Variants in VPS4B observed in about 807,000 individuals in gnomAD.
VPS4B encodes the protein vacuolar protein sorting-associated protein 4B.
Under a neutral mutation model 56.1 loss-of-function variants are expected in VPS4B, and 23 were observed. That is an observed-to-expected ratio of 0.41 (90% CI 0.30 to 0.58). VPS4B has a LOEUF of 0.58. Among genes scored for constraint, VPS4B ranks in the 20% least tolerant of loss-of-function variants. VPS4B has a pLI of 0.29. For missense variants in VPS4B, 372 were observed against 531.9 expected (o/e 0.70, Z 2.96); for synonymous variants, 177 against 186.0 (o/e 0.95, Z 0.39).
intron 10 of VPS4B, 151 bp downstream of exon 10, chr18:63,393,258 G>T (rs1915595455): frequency 6.7e-6 from 5 of 748,882 alleles, no homozygotes; most frequent in Non-Finnish European, 9.6e-6. Context: ...TATATTTTAA[G>T]TTCAATTAAC....
rs771991314 is a variant in VPS4B at position 63,407,492 on chromosome 18, T to G, written c.304A>C (p.Ser102Arg). The change falls in exon 4 of 11, where the codon AGT becomes CGT. Residue 102 changes from serine (S) to arginine (R), a missense_variant. Transcript: ENST00000238497. ...TCATCAGATTCTCCTTCCCCATCACTGTCATTCCTAATAAAAAGAATTTAA... is the reference window on the plus strand; with the variant it reads ...TCATCAGATTCTCCTTCCCCATCACGGTCATTCCTAATAAAAAGAATTTAA... Reference protein sequence around the residue: ...PSPADEKGNDSDGEGESDDPE... With the variant: ...PSPADEKGNDRDGEGESDDPE... The G allele has an allele frequency of 1.2e-6, 2 of 1,606,178 alleles. No homozygotes were observed. Among genetic ancestry groups the G allele is most frequent in the Non-Finnish European group, 1.7e-6 (2 of 1,177,306 alleles).
At chr18:63,395,737 T>C (rs1915654966) in intron 9 of VPS4B, among the ~76,000 whole-genome samples, 1 of 152,264 alleles carries the variant, frequency 6.6e-6, no homozygotes, top group Non-Finnish European at 1.5e-5. Flanking sequence ...ACCTAGTTCA[T>C]TGTTACTCAA....
intron 1 of VPS4B, among the ~76,000 whole-genome samples, chr18:63,412,076 C>T (rs1916057078): frequency 6.6e-6 from 1 of 152,136 alleles, no homozygotes; most frequent in South Asian, 2.1e-4. Context: ...TCATATATTT[C>T]AATCCAGTAA....
chr18:63,400,675 T>C lies in VPS4B; in HGVS notation c.513A>G (p.Leu171=), dbSNP rs775698166. The change falls in exon 6 of 11, where the codon CTA becomes CTG. Residue 171 remains leucine (L), a synonymous_variant. Transcript: ENST00000238497. ...TGKRTPWRGI[L]LFGPPGTGKS... ...TTCCTGTTCCAGGCGGCCCAAATAA[T>C]AGGATTCCCCTCCAAGGTGTTCTCT... 1.2e-6 allele frequency: 2 copies of C among 1,603,526 alleles called. No individual in the cohort carries two copies. The highest frequency in any genetic ancestry group is 1.1e-5 in the South Asian group (1 of 88,184).
chr18:63,418,893 T>G (rs1049143523), intron 1 of VPS4B, among the ~76,000 whole-genome samples: 4 of 152,118 alleles, frequency 2.6e-5, no homozygotes, highest in African/African-American at 9.7e-5. Context: ...CCTAGTCCAC[T>G]CTCCCTACTT....
At chr18:63,411,006 C>T (rs1430946057) in intron 2 of VPS4B, among the ~76,000 whole-genome samples, 2 of 152,226 alleles carry the variant, frequency 1.3e-5, no homozygotes, top group Non-Finnish European at 2.9e-5. Context: ...ACATAGCTTA[C>T]AGGTTATGAC....
chr18:63,418,254 T>A (rs1916212915), intron 1 of VPS4B, among the ~76,000 whole-genome samples: 1 of 152,162 alleles, frequency 6.6e-6, no homozygotes, highest in South Asian at 2.1e-4. Flanking sequence ...CATCCCAGTT[T>A]CCTGATCTCC....
In VPS4B at chr18:63,399,247, C is replaced by T. The variant is rs1364421441; in HGVS notation, c.867G>A (p.Arg289=). 6.2e-7 allele frequency: 1 copy of T among 1,613,386 alleles called. No individual in the cohort carries two copies. The highest frequency in any genetic ancestry group is 8.5e-7 in the Non-Finnish European group (1 of 1,179,508). ...NIPWVLDSAI[R]RRFEKRIYIP... Reference sequence around the variant, plus strand: ...TATTTACTATATTATCCTACCTTCGCCTAATGGCAGAATCCAGAACCCAGG... The same window carrying T: ...TATTTACTATATTATCCTACCTTCGTCTAATGGCAGAATCCAGAACCCAGG... The change falls in exon 8 of 11, where the codon AGG becomes AGA. Residue 289 remains arginine (R), a synonymous_variant. Transcript: ENST00000238497.
At chr18:63,417,233 A>G (rs866295748) in intron 1 of VPS4B, among the ~76,000 whole-genome samples, 1 of 152,226 alleles carries the variant, frequency 6.6e-6, no homozygotes, top group Non-Finnish European at 1.5e-5. Context: ...CTTATTTGAC[A>G]AAACACTGTT....
At chr18:63,420,446 A>T (rs1277078131) in intron 1 of VPS4B, among the ~76,000 whole-genome samples, 1 of 152,074 alleles carries the variant, frequency 6.6e-6, no homozygotes, top group Non-Finnish European at 1.5e-5. Context: ...AGACTGTCTC[A>T]AAACAACAAC....
At chr18:63,422,210 G>A in intron 1 of VPS4B, 23 bp downstream of exon 1, 2 of 1,501,858 alleles carry the variant, frequency 1.3e-6, no homozygotes, top group Non-Finnish European at 1.8e-6. Flanking sequence ...CTCCCTAGGG[G>A]GACGGGAGAT....
intron 5 of VPS4B, 68 bp from the exon 6 acceptor site, chr18:63,400,771 A>G: frequency 8.3e-6 from 12 of 1,444,840 alleles, no homozygotes; most frequent in Non-Finnish European, 1.1e-5. Flanking sequence ...ATACTGAGGA[A>G]TACTCTGGAA....
chr18:63,404,596 G>A (rs986567255), intron 4 of VPS4B: 2 of 152,126 alleles, frequency 1.3e-5, no homozygotes, highest in African/African-American at 4.8e-5. Flanking sequence ...TTTTAATATA[G>A]CCTACTGACA....
intron 8 of VPS4B, among the ~76,000 whole-genome samples, chr18:63,398,849 AT>A (rs1294304363): frequency 2.0e-5 from 3 of 151,832 alleles, no homozygotes; most frequent in African/African-American, 4.8e-5. Context: ...AAAAAAAAAA[AT>A]CTTACCTGGT....
At chr18:63,410,808 T>C (rs905896887) in intron 2 of VPS4B, among the ~76,000 whole-genome samples, 11 of 152,158 alleles carry the variant, frequency 7.2e-5, no homozygotes, top group Non-Finnish European at 1.0e-4. Flanking sequence ...AAAAGACAAA[T>C]AGAAGGAAAG....
chr18:63,403,700 A>G lies in VPS4B; in HGVS notation c.484+7T>C. 6.3e-7 allele frequency: 1 copy of G among 1,598,968 alleles called. No individual in the cohort carries two copies. The highest frequency in any genetic ancestry group is 8.5e-7 in the Non-Finnish European group (1 of 1,173,816). On this transcript the variant is annotated splice_region_variant and intron_variant, in intron 5 of 10. Transcript: ENST00000238497. ...CATGAAATAAAATTATTTAAAAGTT[A>G]TGTCACCTGTAAAAAGATGAGGAAA...
rs1030938245 is a variant in VPS4B, at chr18:63,398,318, G to A, written c.872+924C>T. 7.9e-5 allele frequency among the ~76,000 whole-genome samples: 12 copies of A among 151,790 alleles called. No homozygotes were observed. In the South Asian group the frequency reaches 2.3e-3, roughly 29 times the overall value. ...CAACCTCCGCCTCCTGGGCTCAAGC[G>A]ATTCTCCCACCTCAGCTTCCCGAGT... On this transcript the variant is annotated intron_variant, in intron 8 of 10. Transcript: ENST00000238497.
At chr18:63,408,695 G>A (rs1915969595) in intron 3 of VPS4B, among the ~76,000 whole-genome samples, 1 of 152,182 alleles carries the variant, frequency 6.6e-6, no homozygotes, top group Non-Finnish European at 1.5e-5. Flanking sequence ...AACAACCCTG[G>A]TACTGTTGGC....
intron 8 of VPS4B, among the ~76,000 whole-genome samples, chr18:63,398,421 C>T (rs9962050): frequency 0.017 from 2,513 of 151,862 alleles, 64 homozygotes; most frequent in African/African-American, 0.058. Context: ...GGTTTCACCA[C>T]GTTGCCCAGG....
Sources: allele counts gnomAD v4.1 joint callset (sites outside exome capture counted in the v4.1 genomes callset), GRCh38; gene constraint gnomAD v4.1.1; transcripts MANE v1.5; gene names NCBI Gene and HGNC (gene_info 2026-07-23, HGNC 2026-07-21).